Variants in MAMDC2 observed in about 807,000 individuals in gnomAD.
MAMDC2 encodes the protein MAM domain-containing protein 2.
MAMDC2 carries 57 observed loss-of-function variants against 89.8 expected under a neutral mutation model. That is an observed-to-expected ratio of 0.63 (90% CI 0.51 to 0.79). The LOEUF (loss-of-function observed/expected upper bound fraction) is 0.79, where lower values mean the gene tolerates loss of function less well. MAMDC2 is among the 30% of genes least tolerant of loss of function. The pLI, the probability that MAMDC2 is intolerant of heterozygous loss-of-function variation, is 0.00. For missense variants in MAMDC2, 800 were observed against 820.6 expected (o/e 0.97, Z 0.31); for synonymous variants, 313 against 293.4 (o/e 1.07, Z -0.68).
rs2030540684 is a variant in MAMDC2 at position 70,126,258 on chromosome 9, C to A, written c.743C>A (p.Ser248Ter). 1 of 1,614,080 alleles carries A rather than the reference C, an allele frequency of 6.2e-7. No homozygotes were observed. Among genetic ancestry groups the A allele is most frequent in the Non-Finnish European group, 8.5e-7 (1 of 1,180,038 alleles). The stretch of plus-strand genomic sequence containing the variant: ...ACGGCCCCCATGGCTGGCTGCCTGT[C>A]ATTTTATTACCAGATCCAGCAGGGG... Reference protein sequence around the residue: ...LTTAPMAGCLSFYYQIQQGND... With the variant: ...LTTAPMAGCL The change falls in exon 6 of 14, where the codon TCA (serine) becomes TAA (stop). Residue 248 changes from serine (S) to a stop codon, truncating the protein, a stop_gained. Coordinates refer to ENST00000377182, the MANE Select transcript of MAMDC2 (RefSeq NM_153267.5). LOFTEE classifies it high-confidence loss of function.
At chr9:70,162,955 G>A (rs2032030225) in intron 9 of MAMDC2, among the ~76,000 whole-genome samples, 1 of 150,814 alleles carries the variant, frequency 6.6e-6, no homozygotes, top group African/African-American at 2.4e-5. Flanking sequence ...TATATACTAT[G>A]AGGAGCATTT....
intron 11 of MAMDC2, among the ~76,000 whole-genome samples, chr9:70,181,370 T>C (rs1228242752): frequency 6.6e-6 from 1 of 152,182 alleles, no homozygotes; most frequent in Non-Finnish European, 1.5e-5. Context: ...TTAAAGTAGT[T>C]TTTTCTAATT....
intron 5 of MAMDC2, among the ~76,000 whole-genome samples, chr9:70,120,937 C>G (rs1017932542): frequency 3.9e-5 from 6 of 152,188 alleles, no homozygotes; most frequent in Non-Finnish European, 8.8e-5. Context: ...TGGCAGCAGA[C>G]CAGTGGGTAT....
At chr9:70,151,980 C>T (rs536415765) in intron 9 of MAMDC2, among the ~76,000 whole-genome samples, 31 of 152,244 alleles carry the variant, frequency 2.0e-4, no homozygotes, top group East Asian at 9.7e-4. Context: ...ATTATTTCCA[C>T]CTCTCAGTGA....
chr9:70,121,461 T>C (rs1372349284), intron 5 of MAMDC2, among the ~76,000 whole-genome samples: 5 of 152,170 alleles, frequency 3.3e-5, no homozygotes, highest in Admixed American at 1.3e-4. Flanking sequence ...TAGGTAATAA[T>C]AGATTGATTT....
At chr9:70,066,476 G>A (rs1485252737) in intron 2 of MAMDC2, among the ~76,000 whole-genome samples, 1 of 152,086 alleles carries the variant, frequency 6.6e-6, no homozygotes, top group East Asian at 1.9e-4. Context: ...GAAGAATCTC[G>A]CAGGCTGGTG....
At chr9:70,090,156 A>G (rs961229995) in intron 2 of MAMDC2, among the ~76,000 whole-genome samples, 5 of 151,200 alleles carry the variant, frequency 3.3e-5, no homozygotes, top group Admixed American at 6.6e-5. Flanking sequence ...CACACATAAA[A>G]ATATCAGTGG....
rs929758752 is a variant in MAMDC2, at chr9:70,046,494, G to A, written c.148+1797G>A. ...AAGCCAGGAGCCTTAGTTAGTCTCT[G>A]AGTTCCTGCCTCCGGCCCTCTGTCA... is the stretch of plus-strand genomic sequence containing the variant. On this transcript the variant is annotated intron_variant, in intron 2 of 13. Coordinates refer to ENST00000377182, the MANE Select transcript of MAMDC2 (RefSeq NM_153267.5). Among the ~76,000 whole-genome samples, 49 of 152,202 alleles carry A rather than the reference G, an allele frequency of 3.2e-4. 2 individuals are homozygous for A. The highest frequency in any genetic ancestry group is 2.9e-3 in the Admixed American group (45 of 15,286).
chr9:70,074,409 G>GT (rs2118100536), intron 2 of MAMDC2, among the ~76,000 whole-genome samples: 1 of 152,328 alleles, frequency 6.6e-6, no homozygotes, highest in African/African-American at 2.4e-5. Flanking sequence ...GAAATCCAAG[G>GT]GGACAATGGG....
At chr9:70,207,062 C>A (rs1158479569) in intron 11 of MAMDC2, among the ~76,000 whole-genome samples, 1 of 152,174 alleles carries the variant, frequency 6.6e-6, no homozygotes, top group East Asian at 1.9e-4. Context: ...CAAGGCTTTG[C>A]TATTGTGAAT....
rs149972527 is a variant in MAMDC2, at chr9:70,083,774, T to C, written c.149-24437T>C. ...CAGGGGCCCAAGGAAAAATAAAAAA[T>C]GAATGCCCTGTAGTACTTTAAGTTT... is the stretch of plus-strand genomic sequence containing the variant. On this transcript the variant is annotated intron_variant, in intron 2 of 13. Transcript: ENST00000377182. 6 of 150,956 alleles carry C rather than the reference T, an allele frequency of 4.0e-5. No individual in the cohort carries two copies. In the East Asian group the frequency reaches 1.2e-3, roughly 29 times the overall value. The allele number at this position is 150,956 out of a possible 1,614,324, so 9.4% of individuals were successfully genotyped here. A position where few individuals can be genotyped will look rare whatever the true frequency, so the allele number is the denominator to read the frequency against.
chr9:70,090,818 T>C (rs1283942463), intron 2 of MAMDC2: 1 of 152,192 alleles, frequency 6.6e-6, no homozygotes, highest in Non-Finnish European at 1.5e-5. Flanking sequence ...TATCACCACA[T>C]TGCTTTTAAT....
chr9:70,149,619 A>G (rs1254004334), intron 9 of MAMDC2, among the ~76,000 whole-genome samples: 1 of 152,178 alleles, frequency 6.6e-6, no homozygotes, highest in African/African-American at 2.4e-5. Flanking sequence ...CACTGGCTAC[A>G]CTTTCAGCAA....
intron 11 of MAMDC2, among the ~76,000 whole-genome samples, chr9:70,193,767 C>A (rs988071965): frequency 6.6e-6 from 1 of 152,058 alleles, no homozygotes; most frequent in African/African-American, 2.4e-5. Flanking sequence ...TAACAAGATT[C>A]TTTTTGAATG....
intron 11 of MAMDC2, among the ~76,000 whole-genome samples, chr9:70,171,535 T>C (rs181750525): frequency 2.0e-5 from 3 of 152,236 alleles, no homozygotes; most frequent in South Asian, 2.1e-4. Context: ...GTACCTTCCA[T>C]AGAATGGATC....
At chr9:70,052,948 G>A (rs1826945284) in intron 2 of MAMDC2, among the ~76,000 whole-genome samples, 1 of 152,202 alleles carries the variant, frequency 6.6e-6, no homozygotes. Context: ...CATCAGGGAT[G>A]CCTAAGTCCC....
At chr9:70,072,690 A>G (rs1353258673) in intron 2 of MAMDC2, among the ~76,000 whole-genome samples, 2 of 152,186 alleles carry the variant, frequency 1.3e-5, no homozygotes, top group African/African-American at 4.8e-5. Context: ...ATTCTTCACC[A>G]TGAGACTGTA....
intron 2 of MAMDC2, among the ~76,000 whole-genome samples, chr9:70,056,703 G>A (rs1023790807): frequency 1.7e-4 from 26 of 152,098 alleles, no homozygotes; most frequent in Non-Finnish European, 3.2e-4. Flanking sequence ...GATCGGTACC[G>A]GTCTACTAGA....
At chr9:70,145,780 G>A (rs2031384860) in intron 9 of MAMDC2, among the ~76,000 whole-genome samples, 1 of 151,888 alleles carries the variant, frequency 6.6e-6, no homozygotes, top group South Asian at 2.1e-4. Context: ...CTCAACCAGT[G>A]TTTATTAGGT....
Sources: allele counts gnomAD v4.1 joint callset (sites outside exome capture counted in the v4.1 genomes callset), GRCh38; gene constraint gnomAD v4.1.1; transcripts MANE v1.5; gene names NCBI Gene and HGNC (gene_info 2026-07-23, HGNC 2026-07-21).